ACYP2: variants seen among roughly 807,000 people sequenced by gnomAD.
ACYP2 encodes the protein acylphosphatase-2.
In ACYP2, 12 loss-of-function variants were observed where a neutral mutation model predicts 11.2. The ratio of observed to expected loss-of-function variants is 1.08; its 90% CI spans 0.69 to 1.74. The LOEUF is 1.74. Among genes scored for constraint, ACYP2 ranks in the 40% most tolerant of loss-of-function variants. The probability of loss-of-function intolerance (pLI) is 0.00; values close to 1 mark genes in which losing one functional copy is unlikely to be tolerated. For synonymous variants in ACYP2, 43 were observed against 32.2 expected, an observed-to-expected ratio of 1.33 and a Z score of -1.13; for missense variants, 134 against 101.9, an observed-to-expected ratio of 1.31 and a Z score of -1.35.
intron 2 of ACYP2, among the ~76,000 whole-genome samples, chr2:54,039,729 T>G (rs1490923090): frequency 3.3e-5 from 5 of 151,896 alleles, no homozygotes; most frequent in African/African-American, 1.2e-4. Context: ...TTTGGAGGGC[T>G]TGGAGGGTTT....
chr2:54,198,892 C>T (rs756222316), intron 6 of ACYP2, among the ~76,000 whole-genome samples: 5 of 152,212 alleles, frequency 3.3e-5, no homozygotes, highest in East Asian at 3.9e-4. Flanking sequence ...CTTCTCGTTC[C>T]GTGCCCATTC....
chr2:53,988,117 T>A (rs1238921712), intron 2 of ACYP2, among the ~76,000 whole-genome samples: 1 of 152,092 alleles, frequency 6.6e-6, no homozygotes, highest in Admixed American at 6.6e-5. Context: ...GTAATCCCAG[T>A]GACTCGAGAG....
intron 4 of ACYP2, among the ~76,000 whole-genome samples, chr2:54,105,783 T>G (rs1281344949): frequency 1.3e-5 from 2 of 151,998 alleles, no homozygotes; most frequent in Non-Finnish European, 2.9e-5. Context: ...CATGAGCCAT[T>G]GCGCCTGGAC....
At chr2:54,043,887 A>C (rs141488326) in intron 2 of ACYP2, among the ~76,000 whole-genome samples, 1 of 152,268 alleles carries the variant, frequency 6.6e-6, no homozygotes. Flanking sequence ...CCTCCTCCTT[A>C]TCCCAATTAG....
intron 2 of ACYP2, among the ~76,000 whole-genome samples, chr2:53,982,832 G>GTGTA (rs1671838006): frequency 1.6e-5 from 1 of 62,644 alleles, no homozygotes; most frequent in Non-Finnish European, 3.8e-5. Context: ...ACAAGACTGT[G>GTGTA]TGTGTGTGTG....
chr2:54,143,913 T>G (rs1681757470), intron 6 of ACYP2, among the ~76,000 whole-genome samples: 1 of 152,110 alleles, frequency 6.6e-6, no homozygotes, highest in African/African-American at 2.4e-5. Context: ...AATCACCTGG[T>G]CCTGCTGCCT....
intron 6 of ACYP2, among the ~76,000 whole-genome samples, chr2:54,175,997 T>C (rs991131654): frequency 1.3e-5 from 2 of 152,176 alleles, no homozygotes; most frequent in African/African-American, 4.8e-5. Context: ...CATGTGAGGA[T>C]ACATTGAAGG....
At chr2:54,113,702 G>C (rs757166656) in intron 4 of ACYP2, among the ~76,000 whole-genome samples, 2 of 152,134 alleles carry the variant, frequency 1.3e-5, no homozygotes, top group African/African-American at 4.8e-5. Flanking sequence ...CGGGATAGAG[G>C]AAGATTTTGG....
At chr2:54,093,281 T>A (rs942734963) in intron 4 of ACYP2, among the ~76,000 whole-genome samples, 1 of 152,100 alleles carries the variant, frequency 6.6e-6, no homozygotes, top group Admixed American at 6.6e-5. Flanking sequence ...TTCTCTAGAG[T>A]TACACAGACA....
At chr2:54,142,121 G>A in intron 6 of ACYP2, 1 of 390,498 alleles carries the variant, frequency 2.6e-6, no homozygotes, top group Non-Finnish European at 4.5e-6. Flanking sequence ...TGACTTTCCT[G>A]CCTCAGCCTC....
chr2:53,987,660 AT>A (rs1170478450), intron 2 of ACYP2, among the ~76,000 whole-genome samples: 1 of 152,130 alleles, frequency 6.6e-6, no homozygotes, highest in Non-Finnish European at 1.5e-5. Context: ...ACTGCTTTTT[AT>A]TTTAGCCTTT....
chr2:54,250,107 G>T lies in ACYP2; in HGVS notation c.405-54581G>T, dbSNP rs149051860. Among the ~76,000 whole-genome samples, 64 of 152,158 alleles carry T rather than the reference G, an allele frequency of 4.2e-4. No homozygotes were observed. In the East Asian group the frequency reaches 0.01, roughly 24 times the overall value. On this transcript the variant is annotated intron_variant, in intron 6 of 6. Transcript: ENST00000607452. The stretch of plus-strand genomic sequence containing the variant: ...ATTTTAGTTTAATGCTAAATGTGAG[G>T]ATATCACCTACCTTTTCCATCCTCA...
chr2:53,971,807 G>A (rs1001370367), intron 1 of ACYP2, among the ~76,000 whole-genome samples: 17 of 151,800 alleles, frequency 1.1e-4, no homozygotes, highest in African/African-American at 4.1e-4. Context: ...AGAAAAAGGA[G>A]GGAGGAGGAC....
intron 2 of ACYP2, among the ~76,000 whole-genome samples, chr2:54,037,389 A>G (rs1418750834): frequency 1.3e-5 from 2 of 152,102 alleles, no homozygotes; most frequent in Non-Finnish European, 2.9e-5. Context: ...TGCTGGGATT[A>G]CAGGCATAAG....
intron 6 of ACYP2, among the ~76,000 whole-genome samples, chr2:54,148,932 A>G (rs1682022522): frequency 6.6e-6 from 1 of 152,200 alleles, no homozygotes; most frequent in African/African-American, 2.4e-5. Context: ...AGTAATGGCA[A>G]AAACCGCAAT....
At chr2:54,236,860 G>A (rs181455256) in intron 6 of ACYP2, among the ~76,000 whole-genome samples, 9 of 152,262 alleles carry the variant, frequency 5.9e-5, no homozygotes, top group African/African-American at 2.2e-4. Context: ...GAATTAAAAT[G>A]TAGAAGTATT....
chr2:54,146,442 T>A, intron 6 of ACYP2, among the ~76,000 whole-genome samples: 1 of 140,050 alleles, frequency 7.1e-6, no homozygotes, highest in Non-Finnish European at 1.6e-5. Flanking sequence ...ATCCTCTATT[T>A]TTTTTTTTTT....
At chr2:54,120,168 T>TC (rs900650468) in intron 4 of ACYP2, among the ~76,000 whole-genome samples, 4 of 152,202 alleles carry the variant, frequency 2.6e-5, no homozygotes, top group Non-Finnish European at 4.4e-5. Flanking sequence ...ACTCTTTTTT[T>TC]TCTCTCTCTC....
intron 6 of ACYP2, among the ~76,000 whole-genome samples, chr2:54,145,432 G>A (rs528089637): frequency 8.5e-5 from 13 of 152,234 alleles, no homozygotes; most frequent in South Asian, 2.1e-4. Context: ...TTCAGTGTGC[G>A]AAAGATTATT....
Sources: allele counts gnomAD v4.1 joint callset (sites outside exome capture counted in the v4.1 genomes callset), GRCh38; gene constraint gnomAD v4.1.1; transcripts MANE v1.5; gene names NCBI Gene and HGNC (gene_info 2026-07-23, HGNC 2026-07-21).